TARBP1: variants seen among roughly 807,000 people sequenced by gnomAD.
The protein encoded by TARBP1 is tRNA guanosine 2 -O-methyltransferase TARBP1.
TARBP1 carries 144 observed loss-of-function variants against 178.6 expected under a neutral mutation model. That is an observed-to-expected ratio of 0.81 (90% CI 0.70 to 0.93). The LOEUF (loss-of-function observed/expected upper bound fraction) is 0.93. TARBP1 is among the 40% of genes least tolerant of loss of function. The pLI is 0.00. For missense variants in TARBP1, 2,067 were observed against 2,011.7 expected (o/e 1.03, Z -0.53); for synonymous variants, 787 against 781.0 (o/e 1.01, Z -0.13).
intron 12 of TARBP1, among the ~76,000 whole-genome samples, chr1:234,440,333 C>G (rs1279549848): frequency 3.3e-5 from 5 of 150,680 alleles, no homozygotes; most frequent in African/African-American, 1.2e-4. Flanking sequence ...GCAGAAAGAA[C>G]CAAACAACAG....
At chr1:234,464,167 A>T (rs1405779274) in intron 5 of TARBP1, among the ~76,000 whole-genome samples, 3 of 152,192 alleles carry the variant, frequency 2.0e-5, no homozygotes, top group Non-Finnish European at 4.4e-5. Flanking sequence ...CTACTTTACT[A>T]AGGATTTCCT....
Position 234,467,610 on chromosome 1 carries a change from A to ATAAAT in TARBP1, c.1135_1139dup (p.Tyr380Ter). The ATAAAT allele has an allele frequency of 6.2e-7, 1 of 1,608,492 alleles. No individual in the cohort carries two copies. The highest frequency in any genetic ancestry group is 8.5e-7 in the Non-Finnish European group (1 of 1,178,556). The stretch of plus-strand genomic sequence containing the variant: ...TGTTTTCACTTTCAAACATTCTTTT[A>ATAAAT]TAAATACACATATGCCAGGATGGGT... On this transcript the variant is annotated stop_gained and frameshift_variant, in exon 4 of 30. Transcript: ENST00000040877. LOFTEE classifies it high-confidence loss of function.
intron 4 of TARBP1, among the ~76,000 whole-genome samples, chr1:234,466,181 A>G: frequency 6.6e-6 from 1 of 152,208 alleles, no homozygotes; most frequent in South Asian, 2.1e-4. Flanking sequence ...AACATGATGC[A>G]TATCAATATA....
At chr1:234,466,182 T>C (rs1490741663) in intron 4 of TARBP1, among the ~76,000 whole-genome samples, 2 of 152,170 alleles carry the variant, frequency 1.3e-5, no homozygotes, top group Non-Finnish European at 2.9e-5. Flanking sequence ...ACATGATGCA[T>C]ATCAATATAC....
In TARBP1 at chr1:234,467,543, A is replaced by G. The variant is rs1385711628; in HGVS notation, c.1207T>C (p.Tyr403His). ...GAAAATGGAAGAATCTTTGTTTCAT[A>G]CAGCTCCAAAAAATGGATAACACCT... ...KEGVIHFLEL[Y>H]ETKILPFSPE... Residue 403 changes from tyrosine to histidine, a missense_variant, in exon 4 of 30, where the codon TAT becomes CAT. Physicochemically the swap from Tyr to His is moderately conservative, Grantham distance 83. Transcript: ENST00000040877. 6.2e-7 allele frequency: 1 copy of G among 1,604,810 alleles called. No homozygotes were observed. Among genetic ancestry groups the G allele is most frequent in the Non-Finnish European group, 8.5e-7 (1 of 1,177,600 alleles).
intron 2 of TARBP1, among the ~76,000 whole-genome samples, chr1:234,472,071 T>G (rs1266895462): frequency 6.6e-6 from 1 of 152,140 alleles, no homozygotes; most frequent in Non-Finnish European, 1.5e-5. Context: ...GTGCGGTGGC[T>G]CACGCCTGTA....
intron 26 of TARBP1, among the ~76,000 whole-genome samples, chr1:234,394,323 G>A (rs893616082): frequency 3.9e-5 from 6 of 152,218 alleles, no homozygotes; most frequent in African/African-American, 1.4e-4. Context: ...AATGAAGGAT[G>A]TTGTATAAAG....
chr1:234,408,695 TATG>T (rs1661510161), intron 23 of TARBP1, among the ~76,000 whole-genome samples: 1 of 152,094 alleles, frequency 6.6e-6, no homozygotes. Flanking sequence ...CTCAATTCCT[TATG>T]ATTTCATCTC....
intron 25 of TARBP1, chr1:234,400,394 G>C (rs778123997): frequency 6.6e-6 from 1 of 152,198 alleles, no homozygotes; most frequent in Non-Finnish European, 1.5e-5. Context: ...TGAAGCAGCA[G>C]AAAATACACA....
Position 234,429,512 on chromosome 1 carries a change from T to TG in TARBP1, c.2774dup (p.Ile926AsnfsTer17). 1 of 1,614,196 alleles carries TG rather than the reference T, an allele frequency of 6.2e-7. No individual in the cohort carries two copies. Among genetic ancestry groups the TG allele is most frequent in the African/African-American group, 1.3e-5 (1 of 75,034 alleles). ...CTAGTGCAGACTGCAAAGTCCTTAT[T>TG]GGCATCTGAACGGCAGGTAGAAACG... On this transcript the variant is annotated frameshift_variant, in exon 16 of 30. Transcript: ENST00000040877. LOFTEE classifies it high-confidence loss of function.
At chr1:234,408,006 A>G (rs909304832) in intron 23 of TARBP1, 5 of 152,184 alleles carry the variant, frequency 3.3e-5, no homozygotes, top group African/African-American at 1.2e-4. Context: ...TAGGGAAAAC[A>G]GTGCTTCCTA....
intron 1 of TARBP1, among the ~76,000 whole-genome samples, chr1:234,475,762 G>A (rs1669514355): frequency 6.6e-6 from 1 of 152,246 alleles, no homozygotes; most frequent in Non-Finnish European, 1.5e-5. Flanking sequence ...TACCCCTGAG[G>A]GAGGGACGAA....
intron 17 of TARBP1, 28 bp from the exon 18 acceptor site, chr1:234,427,794 T>C (rs1387586206): frequency 2.2e-6 from 3 of 1,388,814 alleles, no homozygotes; most frequent in Non-Finnish European, 2.8e-6. Flanking sequence ...CGTCATTTTA[T>C]CCTTGATTTA....
intron 1 of TARBP1, among the ~76,000 whole-genome samples, chr1:234,473,832 T>C (rs1669301456): frequency 1.3e-5 from 2 of 151,462 alleles, no homozygotes; most frequent in African/African-American, 4.9e-5. Context: ...ACAAATGGAG[T>C]GGGAGGAGGA....
intron 13 of TARBP1, among the ~76,000 whole-genome samples, chr1:234,436,972 A>C (rs1665088248): frequency 6.6e-6 from 1 of 152,182 alleles, no homozygotes; most frequent in Non-Finnish European, 1.5e-5. Flanking sequence ...TTGGGCTCCA[A>C]AATGCATTGA....
chr1:234,426,859 AAG>A (rs1663833512), intron 19 of TARBP1, among the ~76,000 whole-genome samples: 1 of 152,216 alleles, frequency 6.6e-6, no homozygotes, highest in Non-Finnish European at 1.5e-5. Context: ...TACTTCAATA[AAG>A]AGTTTTAAAA....
rs111651649 is a variant in TARBP1, at chr1:234,451,532, G to A, written c.1723-966C>T. 3.0e-3 allele frequency among the ~76,000 whole-genome samples: 103 copies of A among 34,836 alleles called. 37 individuals are homozygous for A. Among genetic ancestry groups the A allele is most frequent in the African/African-American group, 0.027 (94 of 3,460 alleles). 22.9% of individuals were successfully genotyped at this position (34,836 alleles called of 152,430 possible). On this transcript the variant is annotated intron_variant, in intron 9 of 29. Transcript: ENST00000040877. ...GGAGGCCGAGGCGGGCGGATCACGAGGTCAGGAGATCGAGACCATCCCGGC... is the reference window on the plus strand; with the variant it reads ...GGAGGCCGAGGCGGGCGGATCACGAAGTCAGGAGATCGAGACCATCCCGGC...
chr1:234,408,901 G>A (rs989554325), intron 23 of TARBP1, among the ~76,000 whole-genome samples: 5 of 152,114 alleles, frequency 3.3e-5, no homozygotes, highest in African/African-American at 4.8e-5. Flanking sequence ...CTGTGTAGGC[G>A]GCGGAAGAGG....
chr1:234,435,444 T>C (rs1006116159), intron 13 of TARBP1, among the ~76,000 whole-genome samples: 1 of 152,192 alleles, frequency 6.6e-6, no homozygotes, highest in African/African-American at 2.4e-5. Context: ...ATCATGCCAC[T>C]GCACCACAGC....
Sources: allele counts gnomAD v4.1 joint callset (sites outside exome capture counted in the v4.1 genomes callset), GRCh38; gene constraint gnomAD v4.1.1; transcripts MANE v1.5; gene names NCBI Gene and HGNC (gene_info 2026-07-23, HGNC 2026-07-21).